Variants in CABIN1 observed in about 807,000 individuals in gnomAD.
The protein encoded by CABIN1 is calcineurin-binding protein cabin-1.
A neutral mutation model predicts 227.7 loss-of-function variants in CABIN1; 133 were observed. The ratio of observed to expected loss-of-function variants is 0.58; its 90% CI spans 0.51 to 0.67. The LOEUF (loss-of-function observed/expected upper bound fraction) is 0.67. CABIN1 is among the 30% of genes least tolerant of loss of function. The pLI is 0.00. For missense variants in CABIN1, 2,408 were observed against 2,852.5 expected (o/e 0.84, Z 3.55); for synonymous variants, 1,086 against 1,155.1 (o/e 0.94, Z 1.21).
chr22:24,021,792 C>G (rs960456504), intron 1 of CABIN1, among the ~76,000 whole-genome samples: 16 of 152,206 alleles, frequency 1.1e-4, no homozygotes, highest in Non-Finnish European at 2.4e-4. Context: ...TCAAGCGATT[C>G]TCCTGCCTCA....
At chr22:24,019,634 A>G (rs540585389) in intron 1 of CABIN1, among the ~76,000 whole-genome samples, 87 of 138,590 alleles carry the variant, frequency 6.3e-4, no homozygotes, top group African/African-American at 2.2e-3. Context: ...ACAATTAGTG[A>G]TAGCTTTTCT....
At chr22:24,073,066 C>T (rs1426308109) in intron 18 of CABIN1, among the ~76,000 whole-genome samples, 2 of 152,182 alleles carry the variant, frequency 1.3e-5, no homozygotes, top group Non-Finnish European at 2.9e-5. Context: ...CAGTGCCTGG[C>T]TCATGGTGGG....
rs1282530122 is a variant in CABIN1, at chr22:24,043,092, A to G, written c.526+8A>G. The G allele has an allele frequency of 1.2e-6, 2 of 1,613,186 alleles. No homozygotes were observed. Among genetic ancestry groups the G allele is most frequent in the South Asian group, 1.1e-5 (1 of 91,068 alleles). ...CCCTCAGTGATTACACAAGTGAGTC[A>G]TGCTTTGATGCTTTCTTCCATGTGC... On this transcript the variant is annotated splice_region_variant and intron_variant, in intron 6 of 36. Transcript: ENST00000263119.
At chr22:24,043,622 C>T (rs1485073858) in intron 6 of CABIN1, among the ~76,000 whole-genome samples, 2 of 151,900 alleles carry the variant, frequency 1.3e-5, no homozygotes, top group African/African-American at 4.8e-5. Flanking sequence ...CTTGATGGTG[C>T]GTGACTGTCA....
chr22:24,042,794 G>GTGCATAT, intron 5 of CABIN1, 110 bp from the exon 6 acceptor site: 2 of 1,043,616 alleles, frequency 1.9e-6, no homozygotes, highest in South Asian at 2.6e-5. Context: ...CGTCCCCGGG[G>GTGCATAT]TGCATATTCA....
At chr22:24,169,657 C>G (rs2046671539) in intron 33 of CABIN1, among the ~76,000 whole-genome samples, 1 of 151,898 alleles carries the variant, frequency 6.6e-6, no homozygotes, top group South Asian at 2.1e-4. Context: ...GTGCTGGGCG[C>G]AGGCCCAGGC....
chr22:24,059,058 G>A (rs899386915), intron 10 of CABIN1, among the ~76,000 whole-genome samples, 169 bp from the exon 11 acceptor site: 2 of 152,238 alleles, frequency 1.3e-5, no homozygotes, highest in Non-Finnish European at 2.9e-5. Context: ...GGCTCATGAG[G>A]CCCTGGAGAG....
chr22:24,055,118 C>G lies in CABIN1; in HGVS notation c.1052C>G (p.Pro351Arg). The G allele has an allele frequency of 6.2e-7, 1 of 1,613,882 alleles. No individual in the cohort carries two copies. ...SYTSVATTSF[P>R]LHSPGLLETG... ...ACCTCTGTGGCTACAACCAGCTTCC[C>G]ACTGCACAGTCCTGGTCTGTTGGAG... The change falls in exon 9 of 37, where the codon CCA (proline) becomes CGA (arginine). Residue 351 changes from proline (P) to arginine (R), a missense_variant. This residue lies in a region of CABIN1 where 1,045 missense variants were observed against 1,168.4 expected (regional missense o/e 0.89). Coordinates refer to ENST00000263119, the MANE Select transcript of CABIN1 (RefSeq NM_012295.4).
intron 19 of CABIN1, among the ~76,000 whole-genome samples, chr22:24,080,323 A>C (rs754740883): frequency 1.4e-4 from 22 of 151,966 alleles, no homozygotes; most frequent in African/African-American, 4.6e-4. Flanking sequence ...GGGTTAACCT[A>C]CTCACGTACC....
chr22:24,061,050 T>C (rs1001123155), intron 12 of CABIN1, among the ~76,000 whole-genome samples: 5 of 152,178 alleles, frequency 3.3e-5, no homozygotes, highest in African/African-American at 1.2e-4. Context: ...CCCAAAGCAC[T>C]GGGATGACAG....
In CABIN1 at chr22:24,114,756, G is replaced by A. The variant is rs561021752; in HGVS notation, c.4300+1008G>A. On this transcript the variant is annotated intron_variant, in intron 27 of 36. Coordinates refer to ENST00000263119, the MANE Select transcript of CABIN1 (RefSeq NM_012295.4). ...ACATAGGTGTGGCAGTGGGGCCAGAGCCATTTACACTAAGAAGACCTCTCC... is the reference window on the plus strand; with the variant it reads ...ACATAGGTGTGGCAGTGGGGCCAGAACCATTTACACTAAGAAGACCTCTCC... Among the ~76,000 whole-genome samples, 3 of 152,332 alleles carry A rather than the reference G, an allele frequency of 2.0e-5. No individual in the cohort carries two copies. The South Asian group carries it at 6.2e-4, about 32-fold the overall frequency.
At chr22:24,096,231 C>T in intron 25 of CABIN1, 149 bp downstream of exon 25, 1 of 896,958 alleles carries the variant, frequency 1.1e-6, no homozygotes, top group Non-Finnish European at 1.8e-6. Context: ...CTGGAAACTC[C>T]CATTTGCTGG....
rs762178848 is a variant in CABIN1 at position 24,119,531 on chromosome 22, G to A, written c.4465G>A (p.Glu1489Lys). ...DGKKRGDLPG[E>K]PVAFPQGLPA... is the part of the protein sequence containing the mutation. Reference sequence around the variant, plus strand: ...GAAGAAGAGAGGGGACCTCCCAGGGGAGCCAGTGGCCTTCCCCCAGGGGCT... The same window carrying A: ...GAAGAAGAGAGGGGACCTCCCAGGGAAGCCAGTGGCCTTCCCCCAGGGGCT... The change falls in exon 28 of 37, where the codon GAG becomes AAG. Residue 1489 changes from glutamate (E) to lysine (K), a missense_variant. Glu to Lys is a moderately conservative substitution (Grantham distance 56). This residue lies in a region of CABIN1 where 649 missense variants were observed against 910.3 expected (regional missense o/e 0.71). Coordinates refer to ENST00000263119, the MANE Select transcript of CABIN1 (RefSeq NM_012295.4). 15 of 1,613,830 alleles carry A rather than the reference G, an allele frequency of 9.3e-6. No homozygotes were observed. Among genetic ancestry groups the A allele is most frequent in the African/African-American group, 1.3e-5 (1 of 74,932 alleles).
In CABIN1 at chr22:24,171,912, C is replaced by A; in HGVS notation, c.5957C>A (p.Ser1986Tyr). The A allele has an allele frequency of 1.2e-6, 2 of 1,614,024 alleles. No homozygotes were observed. Among genetic ancestry groups the A allele is most frequent in the Non-Finnish European group, 1.7e-6 (2 of 1,180,046 alleles). ...IITCPPSASA[S>Y]TLDQSKDPGP... ...ACCTGCCCTCCGTCAGCATCAGCTT[C>A]CACCCTGGACCAGTCCAAGGACCCT... is the stretch of plus-strand genomic sequence containing the variant. Residue 1986 changes from serine (S) to tyrosine (Y), a missense_variant, in exon 34 of 37, where the codon TCC becomes TAC. Ser to Tyr is a moderately radical substitution (Grantham distance 144). Around this residue, in one of 3 missense-constraint regions of CABIN1, gnomAD observed 714 missense variants for 773.8 expected, o/e 0.92. Transcript: ENST00000263119.
At chr22:24,063,209 T>A in intron 14 of CABIN1, 63 bp downstream of exon 14, 1 of 1,540,258 alleles carries the variant, frequency 6.5e-7, no homozygotes, top group South Asian at 1.1e-5. Context: ...GGGCAGAAAA[T>A]TGACCATGTT....
In CABIN1 at chr22:24,059,934, C is replaced by T. The variant is rs745869580; in HGVS notation, c.1410C>T (p.Asp470=). 4.8e-5 allele frequency: 78 copies of T among 1,613,962 alleles called. No homozygotes were observed. The highest frequency in any genetic ancestry group is 9.3e-5 in the African/African-American group (7 of 74,938). Residue 470 remains aspartate, a synonymous_variant, in exon 12 of 37, where the codon GAC becomes GAT. Coordinates refer to ENST00000263119, the MANE Select transcript of CABIN1 (RefSeq NM_012295.4). ...TTGCTCCCCGGGCAGAAAAGCAGGA[C>T]GTGCATGAGTTCCTGCTGGAGAACC... ...SATFMESEKQ[D]VHEFLLENLT...
intron 1 of CABIN1, among the ~76,000 whole-genome samples, chr22:24,017,729 A>G (rs2035408540): frequency 2.0e-5 from 3 of 151,394 alleles, no homozygotes; most frequent in South Asian, 4.1e-4. Flanking sequence ...GTTTCATTGT[A>G]TGTATATACT....
intron 23 of CABIN1, among the ~76,000 whole-genome samples, chr22:24,089,943 A>ACCTGCCATCAGCCATTT (rs1244332772): frequency 6.6e-6 from 1 of 152,202 alleles, no homozygotes; most frequent in African/African-American, 2.4e-5. Flanking sequence ...CATTGGGAAC[A>ACCTGCCATCAGCCATTT]CCTGCCATCA....
chr22:24,042,817 A>ATT, intron 5 of CABIN1, 87 bp from the exon 6 acceptor site: 1 of 577,588 alleles, frequency 1.7e-6, no homozygotes, highest in East Asian at 4.9e-5. Context: ...GAGAGATCTG[A>ATT]CTGTGTGTGT....
Sources: gnomAD v4.1 joint callset for allele counts (sites outside exome capture counted in the v4.1 genomes callset) on GRCh38, gnomAD v4.1.1 for gene constraint, gnomAD v4.1.1 regional missense constraint, MANE v1.5 for transcripts, NCBI Gene and HGNC (gene_info 2026-07-23, HGNC 2026-07-21) for gene names.